The following SORCS2 variants were observed in gnomAD, a reference collection of about 807,000 sequenced individuals.
SORCS2 encodes sortilin related VPS10 domain containing receptor 2, also known as VPS10 domain-containing receptor SorCS2.
A neutral mutation model predicts 141.6 loss-of-function variants in SORCS2; 100 were observed. That is an observed-to-expected ratio of 0.71 (90% CI 0.60 to 0.83). The LOEUF (loss-of-function observed/expected upper bound fraction) is 0.83. SORCS2 is among the 40% of genes least tolerant of loss of function. SORCS2 has a pLI of 0.00. For missense variants in SORCS2, 1,646 were observed against 1,560.2 expected, an observed-to-expected ratio of 1.05 and a Z score of -0.93; for synonymous variants, 789 against 676.9, an observed-to-expected ratio of 1.17 and a Z score of -2.57.
At chr4:7,432,925 C>T (rs534186864) in intron 2 of SORCS2, 128 of 165,584 alleles carry the variant, frequency 7.7e-4, no homozygotes, top group African/African-American at 2.6e-3. Flanking sequence ...CCCCTGCCTC[C>T]GCTCACCCCG....
chr4:7,689,279 C>T (rs1325540584), intron 10 of SORCS2, among the ~76,000 whole-genome samples: 1 of 151,794 alleles, frequency 6.6e-6, no homozygotes, highest in African/African-American at 2.4e-5. Flanking sequence ...CAGCACAGCA[C>T]CTGCTGAAGC....
Position 7,192,721 on chromosome 4 carries a change from G to C in SORCS2, c.75G>C (p.Pro25=). Residue 25 remains proline (P), a synonymous_variant, in exon 1 of 27, where the codon CCG becomes CCC. Transcript: ENST00000507866. The surrounding 1 kb of genome is among the most constrained non-coding windows in gnomAD (Gnocchi z 4.0). The part of the protein sequence containing the change: ...PTARAPSPGA[P]PPPRSPRSRP... ...CCCGAGCCCCGAGCCCCGGGGCTCC[G>C]CCGCCGCCGCGCTCGCCGCGCTCGC... is the stretch of plus-strand genomic sequence containing the variant. 1.0e-6 allele frequency: 1 copy of C among 989,772 alleles called. No individual in the cohort carries two copies. The highest frequency in any genetic ancestry group is 6.2e-5 in the Admixed American group (1 of 16,100). 61.3% of individuals were successfully genotyped at this position (989,772 alleles called of 1,614,324 possible).
intron 2 of SORCS2, among the ~76,000 whole-genome samples, chr4:7,500,486 G>C (rs536936749): frequency 6.6e-6 from 1 of 152,256 alleles, no homozygotes; most frequent in South Asian, 2.1e-4. Context: ...TCTGCTTCTG[G>C]GTGGTCTGGG....
At chr4:7,446,975 G>A (rs1403538742) in intron 2 of SORCS2, among the ~76,000 whole-genome samples, 1 of 152,232 alleles carries the variant, frequency 6.6e-6, no homozygotes, top group Non-Finnish European at 1.5e-5. Flanking sequence ...GGCTGTCTCT[G>A]AGCCTGGCTC....
intron 3 of SORCS2, among the ~76,000 whole-genome samples, chr4:7,630,746 G>A (rs1719836190): frequency 1.3e-5 from 2 of 152,208 alleles, no homozygotes; most frequent in Admixed American, 1.3e-4. Context: ...ATCCGGGGGT[G>A]GAGGCTGCAG....
At chr4:7,363,112 TCATAACCATCACCGTCAC>T (rs1721689833) in intron 1 of SORCS2, among the ~76,000 whole-genome samples, 1 of 149,068 alleles carries the variant, frequency 6.7e-6, no homozygotes, top group East Asian at 2.0e-4. Flanking sequence ...ACCATCACCA[TCATAACCATCACCGTCAC>T]CATAACCATC....
chr4:7,354,177 C>T (rs1379843465), intron 1 of SORCS2, among the ~76,000 whole-genome samples: 1 of 152,178 alleles, frequency 6.6e-6, no homozygotes, highest in Non-Finnish European at 1.5e-5. Flanking sequence ...TCCCTGGTTT[C>T]TGCTTAGCCT....
chr4:7,560,293 C>T (rs1199501695), intron 3 of SORCS2, among the ~76,000 whole-genome samples: 1 of 152,110 alleles, frequency 6.6e-6, no homozygotes, highest in Admixed American at 6.5e-5. Context: ...AGAGAATACA[C>T]TGTATTATGG....
chr4:7,308,714 C>A (rs1020581151), intron 1 of SORCS2, among the ~76,000 whole-genome samples: 8 of 151,326 alleles, frequency 5.3e-5, no homozygotes, highest in African/African-American at 2.0e-4. Context: ...GCACCCTGTC[C>A]TCTCTCTCCA....
At chr4:7,559,277 G>A (rs1714358733) in intron 3 of SORCS2, among the ~76,000 whole-genome samples, 1 of 152,136 alleles carries the variant, frequency 6.6e-6, no homozygotes, top group Non-Finnish European at 1.5e-5. Context: ...GCCCCTACAA[G>A]CTCCCCACAG....
chr4:7,587,214 A>G (rs373869969), intron 3 of SORCS2, among the ~76,000 whole-genome samples: 31 of 152,050 alleles, frequency 2.0e-4, no homozygotes, highest in African/African-American at 7.2e-4. Context: ...GCCAGTCTGG[A>G]TTAGAAGAGG....
At chr4:7,530,481 G>C (rs986889075) in intron 2 of SORCS2, among the ~76,000 whole-genome samples, 1 of 152,198 alleles carries the variant, frequency 6.6e-6, no homozygotes, top group Non-Finnish European at 1.5e-5. Flanking sequence ...GGAGCCCCAC[G>C]GCCGTGTGTT....
intron 2 of SORCS2, among the ~76,000 whole-genome samples, chr4:7,458,548 A>G (rs760335535): frequency 6.6e-5 from 10 of 152,210 alleles, no homozygotes; most frequent in Non-Finnish European, 1.3e-4. Flanking sequence ...GTTAGACTTC[A>G]TTTTGGACAA....
intron 4 of SORCS2, among the ~76,000 whole-genome samples, chr4:7,644,348 T>TCAC (rs1720922548): frequency 1.3e-5 from 2 of 152,006 alleles, no homozygotes; most frequent in South Asian, 4.1e-4. Context: ...GCTGCTGCCT[T>TCAC]CACCACCACC....
At chr4:7,195,088 C>T (rs1483913763) in intron 1 of SORCS2, among the ~76,000 whole-genome samples, 2 of 151,434 alleles carry the variant, frequency 1.3e-5, no homozygotes, top group Non-Finnish European at 2.9e-5. Flanking sequence ...CAGAGGAGCC[C>T]ATGTGGCTTT....
At chr4:7,458,622 C>T (rs1420855826) in intron 2 of SORCS2, among the ~76,000 whole-genome samples, 1 of 152,196 alleles carries the variant, frequency 6.6e-6, no homozygotes, top group Non-Finnish European at 1.5e-5. Flanking sequence ...GGGATGATCT[C>T]GCTTTCATTT....
chr4:7,602,937 A>C (rs1430242945), intron 3 of SORCS2, among the ~76,000 whole-genome samples: 2 of 152,230 alleles, frequency 1.3e-5, no homozygotes, highest in Non-Finnish European at 2.9e-5. Context: ...CTGGCAGATC[A>C]CTCGCGGTCA....
chr4:7,528,677 A>T (rs1733848792), intron 2 of SORCS2, among the ~76,000 whole-genome samples: 1 of 152,236 alleles, frequency 6.6e-6, no homozygotes, highest in Non-Finnish European at 1.5e-5. Context: ...AGCCTCCTGA[A>T]GTGCTGGGAT....
rs183426345 is a variant in SORCS2, at chr4:7,664,140, G to A, written c.953-213G>A. Among the ~76,000 whole-genome samples the A allele has an allele frequency of 1.7e-3, 252 of 152,248 alleles. 3 individuals carry two copies. The highest frequency in any genetic ancestry group is 3.2e-3 in the Non-Finnish European group (215 of 68,014). ...CAGAGTAGCACGAACACCTTCCTGA[G>A]GGTTGAAGGAGCTCGTGTCAGAGTG... is the stretch of plus-strand genomic sequence containing the variant. On this transcript the variant is annotated intron_variant, in intron 6 of 26. Coordinates refer to ENST00000507866, the MANE Select transcript of SORCS2 (RefSeq NM_020777.3). This position sits in a 1 kb window ranked among gnomAD's most constrained non-coding sequence, Gnocchi z 4.7.
Sources: allele counts gnomAD v4.1 joint callset (sites outside exome capture counted in the v4.1 genomes callset), GRCh38; gene constraint gnomAD v4.1.1; non-coding constraint Gnocchi (gnomAD v3.1); transcripts MANE v1.5; gene names NCBI Gene and HGNC (gene_info 2026-07-23, HGNC 2026-07-21).